FRAS1: variants seen among roughly 807,000 people sequenced by gnomAD.
FRAS1 encodes the protein Fraser extracellular matrix complex subunit 1.
In FRAS1, 290 loss-of-function variants were observed where a neutral mutation model predicts 435.2. The ratio of observed to expected loss-of-function variants is 0.67; its 90% CI spans 0.61 to 0.73. The LOEUF is 0.73. Ranked by LOEUF, FRAS1 falls within the 30% of genes least tolerant of loss-of-function variation. The pLI is 0.00. For missense variants in FRAS1, 4,860 were observed against 5,001.5 expected (o/e 0.97, Z 0.85); for synonymous variants, 1,800 against 1,851.0 (o/e 0.97, Z 0.71).
chr4:78,409,623 A>G (rs6815591), intron 31 of FRAS1, among the ~76,000 whole-genome samples: 54,644 of 152,114 alleles, frequency 0.36, 9,898 homozygotes, highest in Non-Finnish European at 0.38. Flanking sequence ...GGCGAGCATG[A>G]TTTGGAAATA....
chr4:78,080,821 C>G (rs552560152), intron 2 of FRAS1, among the ~76,000 whole-genome samples: 32 of 152,256 alleles, frequency 2.1e-4, no homozygotes, highest in Non-Finnish European at 7.4e-5. Flanking sequence ...TTTTGTTTCT[C>G]TTTTAAATCC....
intron 71 of FRAS1, among the ~76,000 whole-genome samples, chr4:78,536,366 CTT>C (rs1324630612): frequency 6.6e-6 from 1 of 152,070 alleles, no homozygotes; most frequent in Non-Finnish European, 1.5e-5. Context: ...TTCATGCTCT[CTT>C]AACATGACAT....
chr4:78,534,228 G>A (rs890886056), intron 70 of FRAS1, among the ~76,000 whole-genome samples: 3 of 152,128 alleles, frequency 2.0e-5, no homozygotes, highest in African/African-American at 7.2e-5. Context: ...AGCCTAAAGA[G>A]TAATTAATTA....
intron 6 of FRAS1, among the ~76,000 whole-genome samples, chr4:78,263,047 T>G (rs1039209770): frequency 6.6e-6 from 1 of 152,224 alleles, no homozygotes; most frequent in East Asian, 1.9e-4. Flanking sequence ...CCATTGTTTG[T>G]TGGCCCGTGT....
At chr4:78,520,104 C>CCCACACCTCACCCCCACTCAGTTT (rs1185304335) in intron 67 of FRAS1, among the ~76,000 whole-genome samples, 84 of 152,030 alleles carry the variant, frequency 5.5e-4, no homozygotes, top group Admixed American at 1.2e-3. Flanking sequence ...CAGCTGGGAG[C>CCCACACCTCACCCCCACTCAGTTT]CCACACCTCA....
chr4:78,526,946 T>C (rs1212673823), intron 70 of FRAS1, among the ~76,000 whole-genome samples: 1 of 152,190 alleles, frequency 6.6e-6, no homozygotes, highest in Non-Finnish European at 1.5e-5. Context: ...CTTTTGTTGA[T>C]GATTTCTCCA....
intron 3 of FRAS1, among the ~76,000 whole-genome samples, chr4:78,242,962 A>T (rs1232925422): frequency 6.6e-6 from 1 of 152,174 alleles, no homozygotes; most frequent in Non-Finnish European, 1.5e-5. Flanking sequence ...AGACAGACAG[A>T]CAGAAAAAGA....
chr4:78,176,522 T>C (rs1721784704), intron 2 of FRAS1, among the ~76,000 whole-genome samples: 1 of 152,198 alleles, frequency 6.6e-6, no homozygotes, highest in African/African-American at 2.4e-5. Flanking sequence ...ATCCTTCAAA[T>C]ATGTGAAGAC....
At chr4:78,413,218 C>A (rs1355728487) in intron 32 of FRAS1, 133 bp downstream of exon 32, 1 of 514,576 alleles carries the variant, frequency 1.9e-6, no homozygotes, top group Non-Finnish European at 3.4e-6. Context: ...GCCAAAAAGC[C>A]TAGTGGTCAC....
At position 78,435,004 on chromosome 4, in the gene FRAS1, A is replaced by G. The variant is rs141191178; in HGVS notation, c.5217+2400A>G. ...TCAATTCAGTTCCAATCAAAAGCCT[A>G]ATGGACTTTTTATGGAACTTAGTAA... On this transcript the variant is annotated intron_variant, in intron 38 of 73. Coordinates refer to ENST00000512123, the MANE Select transcript of FRAS1 (RefSeq NM_025074.7). Among the ~76,000 whole-genome samples the G allele has an allele frequency of 6.8e-4, 104 of 152,182 alleles. 1 individual carries two copies. The Middle Eastern group carries it at 0.024, about 35-fold the overall frequency.
At chr4:78,099,325 C>A (rs1741987827) in intron 2 of FRAS1, among the ~76,000 whole-genome samples, 1 of 152,190 alleles carries the variant, frequency 6.6e-6, no homozygotes, top group Non-Finnish European at 1.5e-5. Context: ...ATAAGTGGCG[C>A]TTCCAGACAG....
rs1338762679 is a variant in FRAS1, at chr4:78,372,824, G to A, written c.2976G>A (p.Leu992=). The change falls in exon 24 of 74, where the codon TTG becomes TTA. Residue 992 remains leucine (L), a synonymous_variant. Transcript: ENST00000512123. Reference sequence around the variant, plus strand: ...ATGGGGCCTGCGTGGAGCAGTGCTTGTCATCATTTTACCAGGACTCGGGCC... The same window carrying A: ...ATGGGGCCTGCGTGGAGCAGTGCTTATCATCATTTTACCAGGACTCGGGCC... ...LQDGACVEQC[L]SSFYQDSGLC... is the part of the protein sequence containing the mutation. 1.2e-6 allele frequency: 2 copies of A among 1,612,902 alleles called. No homozygotes were observed. Among genetic ancestry groups the A allele is most frequent in the Admixed American group, 3.3e-5 (2 of 60,012 alleles).
At chr4:78,482,564 G>A (rs1720046061) in intron 58 of FRAS1, 29 bp downstream of exon 58, 1 of 1,591,018 alleles carries the variant, frequency 6.3e-7, no homozygotes, top group Non-Finnish European at 8.5e-7. Context: ...CAGCTGGTAG[G>A]TCCAAATATA....
intron 70 of FRAS1, among the ~76,000 whole-genome samples, chr4:78,532,306 G>A (rs546591200): frequency 3.9e-5 from 6 of 152,076 alleles, no homozygotes; most frequent in East Asian, 1.9e-4. Context: ...CCACATAGCC[G>A]CATGTCTTAC....
chr4:78,128,605 G>GTT (rs1578142627), intron 2 of FRAS1, among the ~76,000 whole-genome samples: 1 of 152,182 alleles, frequency 6.6e-6, no homozygotes, highest in East Asian at 1.9e-4. Context: ...GGGGTTGTTT[G>GTT]TTTTTTTCTT....
At chr4:78,520,175 C>T (rs1050350399) in intron 67 of FRAS1, among the ~76,000 whole-genome samples, 4 of 151,988 alleles carry the variant, frequency 2.6e-5, no homozygotes, top group East Asian at 1.9e-4. Context: ...CCTCCTACTG[C>T]TTCCACATAG....
chr4:78,437,023 A>G (rs1222851316), intron 38 of FRAS1, among the ~76,000 whole-genome samples: 2 of 152,196 alleles, frequency 1.3e-5, no homozygotes, highest in African/African-American at 4.8e-5. Flanking sequence ...CAAGGTCTGT[A>G]TTCTTATGCA....
chr4:78,060,326 T>A (rs1012458959), intron 1 of FRAS1, among the ~76,000 whole-genome samples: 1 of 152,206 alleles, frequency 6.6e-6, no homozygotes, highest in Admixed American at 6.5e-5. Context: ...GTTTTTATTA[T>A]CAGCCTAGAG....
chr4:78,307,230 C>G (rs1370943728), intron 14 of FRAS1, among the ~76,000 whole-genome samples: 3 of 152,254 alleles, frequency 2.0e-5, no homozygotes, highest in South Asian at 4.1e-4. Flanking sequence ...GTTTTCAGAT[C>G]TCAAGCTGCG....
Sources: allele counts gnomAD v4.1 joint callset (sites outside exome capture counted in the v4.1 genomes callset), GRCh38; gene constraint gnomAD v4.1.1; transcripts MANE v1.5; gene names NCBI Gene and HGNC (gene_info 2026-07-23, HGNC 2026-07-21).